VGLL4: variants seen among roughly 807,000 people sequenced by gnomAD.
The protein encoded by VGLL4 is transcription cofactor vestigial-like protein 4.
In VGLL4, 7 loss-of-function variants were observed where a neutral mutation model predicts 21.0. The observed-to-expected ratio is 0.33, with a 90% confidence interval of 0.19 to 0.63. VGLL4 has a LOEUF of 0.63. Ranked by LOEUF, VGLL4 falls within the 20% of genes least tolerant of loss-of-function variation. The probability of loss-of-function intolerance (pLI) is 0.78; values close to 1 mark genes in which losing one functional copy is unlikely to be tolerated. For synonymous variants in VGLL4, 222 were observed against 173.2 expected, an observed-to-expected ratio of 1.28 and a Z score of -2.21; for missense variants, 394 against 425.7, an observed-to-expected ratio of 0.93 and a Z score of 0.66.
intron 1 of VGLL4, among the ~76,000 whole-genome samples, chr3:11,609,313 T>C (rs11711892): frequency 0.5 from 76,290 of 152,138 alleles, 22,033 homozygotes; most frequent in Non-Finnish European, 0.68. Context: ...AGAAATACTT[T>C]CCAAACTTTT....
chr3:11,558,733 G>A lies in VGLL4; in HGVS notation c.714C>T (p.Ser238=). 3 of 1,614,182 alleles carry A rather than the reference G, an allele frequency of 1.9e-6. No individual in the cohort carries two copies. Among genetic ancestry groups the A allele is most frequent in the Non-Finnish European group, 1.7e-6 (2 of 1,180,046 alleles). ...KEPEPAPNSV[S]ITGSVDDHFA... The stretch of plus-strand genomic sequence containing the variant: ...AGTGGTCGTCCACGGAGCCCGTGAT[G>A]GACACGGAGTTGGGTGCCGGCTCGG... Residue 238 remains serine, a synonymous_variant, in exon 5 of 5, where the codon TCC becomes TCT. Coordinates refer to ENST00000430365, the MANE Select transcript of VGLL4 (RefSeq NM_001128219.3).
intron 1 of VGLL4, among the ~76,000 whole-genome samples, chr3:11,709,305 C>T (rs2076805279): frequency 6.6e-6 from 1 of 151,026 alleles, no homozygotes; most frequent in Non-Finnish European, 1.5e-5. Flanking sequence ...GGCATGGTAG[C>T]AGGCACCTGT....
At chr3:11,661,507 A>G (rs9815764) in intron 2 of VGLL4, among the ~76,000 whole-genome samples, 3,246 of 151,148 alleles carry the variant, frequency 0.021, 126 homozygotes, top group African/African-American at 0.075. Flanking sequence ...GTCTTATTCT[A>G]TTGCCCAGGC....
intron 2 of VGLL4, among the ~76,000 whole-genome samples, chr3:11,569,237 C>T (rs1374878093): frequency 1.3e-5 from 2 of 152,214 alleles, no homozygotes; most frequent in East Asian, 1.9e-4. Flanking sequence ...TCTGAGCCTG[C>T]GCTGGGCTTC....
chr3:11,608,534 A>G (rs1418565838), intron 1 of VGLL4, among the ~76,000 whole-genome samples: 1 of 152,208 alleles, frequency 6.6e-6, no homozygotes, highest in African/African-American at 2.4e-5. Context: ...GAGAAATGAA[A>G]AGAGAGAATC....
At chr3:11,707,918 C>T (rs1374832969) in intron 1 of VGLL4, among the ~76,000 whole-genome samples, 1 of 152,104 alleles carries the variant, frequency 6.6e-6, no homozygotes, top group African/African-American at 2.4e-5. Flanking sequence ...ATCCACAGCA[C>T]TAAATAAACC....
intron 2 of VGLL4, among the ~76,000 whole-genome samples, chr3:11,684,047 C>T (rs1334110331): frequency 6.6e-6 from 1 of 152,028 alleles, no homozygotes; most frequent in East Asian, 1.9e-4. Flanking sequence ...CCCGTCTCTA[C>T]TAAAAATGCA....
At chr3:11,662,922 C>T (rs1447982672) in intron 2 of VGLL4, among the ~76,000 whole-genome samples, 4 of 152,096 alleles carry the variant, frequency 2.6e-5, no homozygotes, top group Non-Finnish European at 5.9e-5. Flanking sequence ...CTTCACAAAC[C>T]GAGTTTTCTT....
chr3:11,646,286 T>C (rs914306703), upstream of VGLL4, among the ~76,000 whole-genome samples: 3 of 152,220 alleles, frequency 2.0e-5, no homozygotes. Flanking sequence ...CAATATCAGG[T>C]ATCAGATTTA....
intron 1 of VGLL4, chr3:11,607,269 A>G (rs1422413918): frequency 2.6e-5 from 4 of 152,242 alleles, no homozygotes; most frequent in African/African-American, 9.6e-5. Context: ...TAAGATACTG[A>G]TTCATGCCAT....
intron 2 of VGLL4, among the ~76,000 whole-genome samples, chr3:11,699,274 A>G (rs1353344930): frequency 6.6e-6 from 1 of 152,208 alleles, no homozygotes. Flanking sequence ...ATACATAACT[A>G]ATGAATTAGG....
chr3:11,709,434 CTAAAAAAA>C (rs1238420200), intron 1 of VGLL4, among the ~76,000 whole-genome samples: 1 of 104,760 alleles, frequency 9.5e-6, no homozygotes, highest in African/African-American at 5.3e-5. Context: ...AAGACTCCGT[CTAAAAAAA>C]AAAAAAAAAA....
intron 3 of VGLL4, among the ~76,000 whole-genome samples, chr3:11,561,139 T>TC (rs2072957917): frequency 1.3e-5 from 2 of 151,484 alleles, no homozygotes; most frequent in African/African-American, 4.9e-5. Flanking sequence ...CCCCCCAGGG[T>TC]CCTCCCAATA....
chr3:11,597,973 CTT>C (rs1235705244), intron 2 of VGLL4, among the ~76,000 whole-genome samples: 1 of 152,158 alleles, frequency 6.6e-6, no homozygotes, highest in Non-Finnish European at 1.5e-5. Context: ...GGAAACCTCT[CTT>C]TTTTTCCCCT....
At chr3:11,656,005 G>A (rs534336021) in intron 2 of VGLL4, among the ~76,000 whole-genome samples, 12 of 152,344 alleles carry the variant, frequency 7.9e-5, no homozygotes, top group Admixed American at 4.6e-4. Flanking sequence ...AGAGGAAAGC[G>A]AGAAGCCTAA....
intron 2 of VGLL4, among the ~76,000 whole-genome samples, chr3:11,571,924 T>C (rs998829825): frequency 2.6e-5 from 4 of 152,154 alleles, no homozygotes; most frequent in Admixed American, 1.3e-4. Flanking sequence ...CTGGGAAACA[T>C]GGCAAAACCC....
At chr3:11,657,742 G>A (rs998692980) in intron 2 of VGLL4, among the ~76,000 whole-genome samples, 3 of 152,112 alleles carry the variant, frequency 2.0e-5, no homozygotes, top group African/African-American at 7.2e-5. Flanking sequence ...CTATTACTTT[G>A]GAATGGCTAG....
In VGLL4 at chr3:11,643,447, C is replaced by T. The variant is rs746958665; in HGVS notation, c.72G>A (p.Leu24=). 6 of 1,613,890 alleles carry T rather than the reference C, an allele frequency of 3.7e-6. No individual in the cohort carries two copies. Among genetic ancestry groups the T allele is most frequent in the Non-Finnish European group, 5.1e-6 (6 of 1,179,910 alleles). ...CAACGGGACATCTACCTTCGTAGCA[C>T]AGAATGCCGATATTGTTGTTCATCT... The part of the protein sequence containing the change: ...LDKMNNNIGI[L]CYEGEAALRG... Residue 24 remains leucine, a synonymous_variant, in exon 1 of 5, where the codon CTG becomes CTA. Coordinates refer to ENST00000430365, the MANE Select transcript of VGLL4 (RefSeq NM_001128219.3).
intron 1 of VGLL4, chr3:11,611,641 TGA>T (rs1185992285): frequency 6.6e-6 from 1 of 152,114 alleles, no homozygotes; most frequent in African/African-American, 2.4e-5. Flanking sequence ...ATAGTGGGAC[TGA>T]GATGAAAGCA....
Sources: allele counts gnomAD v4.1 joint callset (sites outside exome capture counted in the v4.1 genomes callset), GRCh38; gene constraint gnomAD v4.1.1; transcripts MANE v1.5; gene names NCBI Gene and HGNC (gene_info 2026-07-23, HGNC 2026-07-21).